Variants in FAM151B observed in about 807,000 individuals in gnomAD.
The protein encoded by FAM151B is protein FAM151B.
A neutral mutation model predicts 31.2 loss-of-function variants in FAM151B; 24 were observed. That is an observed-to-expected ratio of 0.77 (90% CI 0.56 to 1.08). The LOEUF (loss-of-function observed/expected upper bound fraction) is 1.08. FAM151B is among the 50% of genes least tolerant of loss of function. The probability of loss-of-function intolerance (pLI) is 0.00; values close to 1 mark genes in which losing one functional copy is unlikely to be tolerated. For synonymous variants in FAM151B, 105 were observed against 111.4 expected, an observed-to-expected ratio of 0.94 and a Z score of 0.36; for missense variants, 293 against 328.6, an observed-to-expected ratio of 0.89 and a Z score of 0.84.
intron 5 of FAM151B, among the ~76,000 whole-genome samples, chr5:80,538,504 T>TTTCTTTCTTTC (rs1561383914): frequency 1.9e-5 from 2 of 103,096 alleles, no homozygotes; most frequent in African/African-American, 8.9e-5. Context: ...CCTTCCTTTC[T>TTTCTTTCTTTC]TTTCTTTCTT....
At chr5:80,526,617 C>G (rs778150110) in intron 5 of FAM151B, among the ~76,000 whole-genome samples, 28 of 151,578 alleles carry the variant, frequency 1.8e-4, no homozygotes, top group Admixed American at 3.3e-4. Context: ...AAGATTCCGT[C>G]TAAAAAAAAA....
intron 1 of FAM151B, among the ~76,000 whole-genome samples, chr5:80,491,992 A>G (rs572023376): frequency 2.8e-4 from 43 of 152,300 alleles, no homozygotes; most frequent in East Asian, 1.5e-3. Context: ...CAACTCTGCT[A>G]TGGTAGCTGG....
At chr5:80,505,965 C>A in intron 2 of FAM151B, 1 of 337,292 alleles carries the variant, frequency 3.0e-6, no homozygotes, top group Non-Finnish European at 4.5e-6. Context: ...ACCGTGTTGG[C>A]CAGACTGGTC....
rs553324451 is a variant in FAM151B, at chr5:80,531,128, A to T, written c.671+8990A>T. Among the ~76,000 whole-genome samples, 4 of 152,150 alleles carry T rather than the reference A, an allele frequency of 2.6e-5. No individual in the cohort carries two copies. In the South Asian group the frequency reaches 8.3e-4, roughly 32 times the overall value. On this transcript the variant is annotated intron_variant, in intron 5 of 5. Coordinates refer to ENST00000282226, the MANE Select transcript of FAM151B (RefSeq NM_205548.3). ...CTTTGACAAACCTGACAAAAACAAG[A>T]AATGGGGAAAGGATTCCCTATTTAA...
chr5:80,498,129 C>A (rs977487541), intron 1 of FAM151B, among the ~76,000 whole-genome samples: 1 of 152,204 alleles, frequency 6.6e-6, no homozygotes, highest in East Asian at 1.9e-4. Context: ...TAATTATTTT[C>A]CTATTGTTGG....
chr5:80,515,302 C>T (rs987975569), intron 3 of FAM151B, among the ~76,000 whole-genome samples: 2 of 152,054 alleles, frequency 1.3e-5, no homozygotes. Context: ...ATCAATGGTT[C>T]AATTTCATTT....
chr5:80,499,778 G>A (rs183681688), intron 1 of FAM151B: 20 of 149,590 alleles, frequency 1.3e-4, no homozygotes, highest in Admixed American at 8.7e-4. Flanking sequence ...CTTGTTCTCT[G>A]TTTTTAAAAT....
chr5:80,525,763 G>C (rs938533304), intron 5 of FAM151B, among the ~76,000 whole-genome samples: 7 of 151,940 alleles, frequency 4.6e-5, no homozygotes, highest in Admixed American at 2.6e-4. Context: ...AACCTCTAAG[G>C]CTCTTTGCTT....
intron 4 of FAM151B, among the ~76,000 whole-genome samples, chr5:80,520,970 G>A (rs917264490): frequency 2.0e-5 from 3 of 149,792 alleles, no homozygotes; most frequent in Admixed American, 6.6e-5. Context: ...GCGCCACCAC[G>A]CCCAGCTAAT....
chr5:80,530,761 T>C (rs1181795129), intron 5 of FAM151B, among the ~76,000 whole-genome samples: 3 of 152,256 alleles, frequency 2.0e-5, no homozygotes, highest in Non-Finnish European at 4.4e-5. Context: ...GGAAGAACAT[T>C]CCATGCTCAT....
intron 1 of FAM151B, among the ~76,000 whole-genome samples, chr5:80,499,371 T>C (rs1393162202): frequency 6.6e-6 from 1 of 152,212 alleles, no homozygotes; most frequent in African/African-American, 2.4e-5. Context: ...ACACGCTAGA[T>C]AAACTTATGA....
chr5:80,500,606 C>T (rs1561362002), intron 1 of FAM151B: 10 of 758,760 alleles, frequency 1.3e-5, no homozygotes, highest in Non-Finnish European at 2.4e-5. Flanking sequence ...GGCATTTGTC[C>T]TCAGGATCAG....
chr5:80,517,630 A>T (rs1362210990), intron 3 of FAM151B, among the ~76,000 whole-genome samples: 1 of 152,236 alleles, frequency 6.6e-6, no homozygotes, highest in Non-Finnish European at 1.5e-5. Context: ...TAAAATATTT[A>T]CATATAAAAT....
Position 80,522,079 on chromosome 5 carries a change from A to G in FAM151B, c.612A>G (p.Arg204=), listed in dbSNP as rs2431224. Residue 204 remains arginine (R), a synonymous_variant, in exon 5 of 6, where the codon AGA becomes AGG. Transcript: ENST00000282226. The part of the protein sequence containing the change: ...ELSQPVTFPV[R]AALVRQSCSQ... Reference sequence around the variant, plus strand: ...GTCAGCCTGTAACGTTCCCTGTCAGAGCAGCATTAGTCAGGCAGTCTTGTT... The same window carrying G: ...GTCAGCCTGTAACGTTCCCTGTCAGGGCAGCATTAGTCAGGCAGTCTTGTT... The G allele has an allele frequency of 0.065, 104,220 of 1,612,540 alleles. 3,934 individuals are homozygous for G. Among genetic ancestry groups the G allele is most frequent in the Non-Finnish European group, 0.075 (87,922 of 1,178,884 alleles).
chr5:80,494,595 C>G (rs1040334035), intron 1 of FAM151B, among the ~76,000 whole-genome samples: 1 of 151,696 alleles, frequency 6.6e-6, no homozygotes, highest in Non-Finnish European at 1.5e-5. Flanking sequence ...TAATTGCAGC[C>G]TGGACCTCCT....
intron 5 of FAM151B, among the ~76,000 whole-genome samples, chr5:80,525,968 A>G (rs781536145): frequency 1.3e-5 from 2 of 151,764 alleles, no homozygotes; most frequent in Non-Finnish European, 2.9e-5. Flanking sequence ...CTAGGTGTGT[A>G]TATATATATA....
intron 3 of FAM151B, among the ~76,000 whole-genome samples, chr5:80,515,105 G>A (rs537161746): frequency 6.6e-6 from 1 of 152,162 alleles, no homozygotes; most frequent in East Asian, 1.9e-4. Flanking sequence ...GCCAGGCATG[G>A]TGGTGCGCAC....
rs1561383768 is a variant in FAM151B, at chr5:80,538,471, T to TC, written c.672-3202_672-3201insC. Among the ~76,000 whole-genome samples, 26 of 122,786 alleles carry TC rather than the reference T, an allele frequency of 2.1e-4. 3 individuals carry two copies. Among genetic ancestry groups the TC allele is most frequent in the African/African-American group, 8.5e-4 (26 of 30,604 alleles). The allele number at this position is 122,786 out of a possible 152,430, so 80.6% of individuals were successfully genotyped here. A position where few individuals can be genotyped will look rare whatever the true frequency, so the allele number is the denominator to read the frequency against. ...TTCTCTTTCTTTCTTTCTTTCTTTC[T>TC]TTCTTTCTTTCTTTCCTTCCTTCCT... On this transcript the variant is annotated intron_variant, in intron 5 of 5. Coordinates refer to ENST00000282226, the MANE Select transcript of FAM151B (RefSeq NM_205548.3).
At chr5:80,526,339 G>A (rs1373059114) in intron 5 of FAM151B, among the ~76,000 whole-genome samples, 1 of 151,864 alleles carries the variant, frequency 6.6e-6, no homozygotes, top group Non-Finnish European at 1.5e-5. Context: ...CAGGCACAGT[G>A]TCTCATGTGT....
Sources: gnomAD v4.1 joint callset for allele counts (sites outside exome capture counted in the v4.1 genomes callset) on GRCh38, gnomAD v4.1.1 for gene constraint, MANE v1.5 for transcripts, NCBI Gene and HGNC (gene_info 2026-07-23, HGNC 2026-07-21) for gene names.